NOTCH2NLC: variants seen among roughly 807,000 people sequenced by gnomAD.
NOTCH2NLC encodes notch homolog 2 N-terminal-like protein C.
In NOTCH2NLC, 4 loss-of-function variants were observed where a neutral mutation model predicts 17.7. That is an observed-to-expected ratio of 0.23 (90% CI 0.11 to 0.52). NOTCH2NLC has a LOEUF of 0.52. NOTCH2NLC is among the 20% of genes least tolerant of loss of function. The pLI is 0.96. For synonymous variants in NOTCH2NLC, 18 were observed against 86.0 expected (o/e 0.21, Z 4.38); for missense variants, 57 against 207.2 (o/e 0.28, Z 4.45).
At chr1:149,457,645 G>A (rs2084621209) in intron 3 of NOTCH2NLC, among the ~76,000 whole-genome samples, 1 of 150,438 alleles carries the variant, frequency 6.6e-6, no homozygotes, top group African/African-American at 2.4e-5. Flanking sequence ...CCAGTCTTGA[G>A]TTCCAAAACC....
chr1:149,412,825 A>C (rs1199449938), intron 1 of NOTCH2NLC, among the ~76,000 whole-genome samples: 4 of 146,884 alleles, frequency 2.7e-5, no homozygotes, highest in Admixed American at 1.4e-4. Context: ...AAAAAAAAAA[A>C]AAAAAACCAA....
chr1:149,413,367 A>T (rs2084310354), intron 1 of NOTCH2NLC, among the ~76,000 whole-genome samples: 1 of 151,200 alleles, frequency 6.6e-6, no homozygotes, highest in Admixed American at 6.6e-5. Flanking sequence ...AAACCTGAAA[A>T]GGGAAGTTGA....
At chr1:149,459,778 ATGGTGGG>A (rs1379149657) in intron 3 of NOTCH2NLC, among the ~76,000 whole-genome samples, 1 of 106,690 alleles carries the variant, frequency 9.4e-6, no homozygotes, top group East Asian at 2.9e-4. Context: ...CCTCAGAATT[ATGGTGGG>A]AGGCAAAAGG....
At chr1:149,462,833 ATTTT>A (rs878889477) in intron 3 of NOTCH2NLC, among the ~76,000 whole-genome samples, 4 of 117,092 alleles carry the variant, frequency 3.4e-5, no homozygotes, top group African/African-American at 9.7e-5. Context: ...CGGGAAGTTG[ATTTT>A]TTTTTTTTTT....
intron 2 of NOTCH2NLC, among the ~76,000 whole-genome samples, chr1:149,443,620 A>T: frequency 6.6e-6 from 1 of 151,060 alleles, no homozygotes; most frequent in East Asian, 2.0e-4. Context: ...AGCCATGAGA[A>T]GGTGGGGAAA....
rs1310856313 is a variant in NOTCH2NLC, at chr1:149,464,110, GAGAC to G, written c.842_845del (p.Asp281GlyfsTer22). 8.6e-5 allele frequency: 55 copies of G among 640,220 alleles called. 1 individual carries two copies. In the East Asian group the frequency reaches 1.4e-3, roughly 17 times the overall value. The allele number at this position is 640,220 out of a possible 1,614,324, so 39.7% of individuals were successfully genotyped here. ...AGAAGAGGAACAGAGCTCTGGGAAAGAGACAGGGAAGTCTGGAATGGAAAAGAAC... is the reference window on the plus strand; with the variant it reads ...AGAAGAGGAACAGAGCTCTGGGAAAGAGGGAAGTCTGGAATGGAAAAGAAC... On this transcript the variant is annotated frameshift_variant, in exon 5 of 5. Coordinates refer to ENST00000650865, the MANE Select transcript of NOTCH2NLC (RefSeq NM_001364013.2). LOFTEE classifies it high-confidence loss of function.
At chr1:149,462,922 G>A (rs1170610372) in intron 3 of NOTCH2NLC, among the ~76,000 whole-genome samples, 4 of 132,874 alleles carry the variant, frequency 3.0e-5, no homozygotes, top group East Asian at 4.9e-4. Flanking sequence ...TGCAACCTCC[G>A]CCTCCTGGGT....
At position 149,445,593 on chromosome 1, in the gene NOTCH2NLC, G is replaced by A. The variant is rs1297618199; in HGVS notation, c.210-9725G>A. On this transcript the variant is annotated intron_variant, in intron 2 of 4. Transcript: ENST00000650865. ...CTCAGCTAGGGCAGGCTGCCACTGC[G>A]GATTGGGGGGCCAAGAGGCCCAGGG... 3.8e-4 allele frequency among the ~76,000 whole-genome samples: 57 copies of A among 150,678 alleles called. 3 individuals carry two copies. The highest frequency in any genetic ancestry group is 6.1e-4 in the Non-Finnish European group (41 of 67,498).
At chr1:149,461,771 G>A (rs1448664444) in intron 3 of NOTCH2NLC, among the ~76,000 whole-genome samples, 1 of 150,706 alleles carries the variant, frequency 6.6e-6, no homozygotes, top group Admixed American at 6.6e-5. Flanking sequence ...AGAAAATGTG[G>A]CACATATACA....
At chr1:149,432,296 AT>A (rs1274732577) in intron 2 of NOTCH2NLC, among the ~76,000 whole-genome samples, 1 of 150,160 alleles carries the variant, frequency 6.7e-6, no homozygotes, top group African/African-American at 2.4e-5. Flanking sequence ...TATAAACAAG[AT>A]TTTTTTTTCA....
At chr1:149,450,102 G>C (rs1416432202) in intron 2 of NOTCH2NLC, among the ~76,000 whole-genome samples, 78 of 142,594 alleles carry the variant, frequency 5.5e-4, no homozygotes, top group African/African-American at 1.5e-3. Flanking sequence ...TTTTTATTAT[G>C]TGGGCATATG....
chr1:149,418,947 C>CCTTTT (rs2084361795), intron 1 of NOTCH2NLC, among the ~76,000 whole-genome samples: 2 of 150,718 alleles, frequency 1.3e-5, no homozygotes, highest in African/African-American at 4.9e-5. Context: ...TCTCTCTTTC[C>CCTTTT]CTTTTCTTTC....
chr1:149,427,412 C>T (rs1321666895), intron 1 of NOTCH2NLC, among the ~76,000 whole-genome samples: 46 of 147,638 alleles, frequency 3.1e-4, no homozygotes, highest in Non-Finnish European at 1.5e-4. Flanking sequence ...TAATGTTCTC[C>T]AATTCTATCC....
In NOTCH2NLC at chr1:149,449,245, C is replaced by T. The variant is rs1269618982; in HGVS notation, c.210-6073C>T. ...CATATATAAAATGGAGATTATAATACGGCACTGGAGCGAGTAATACAAGAG... is the reference window on the plus strand; with the variant it reads ...CATATATAAAATGGAGATTATAATATGGCACTGGAGCGAGTAATACAAGAG... On this transcript the variant is annotated intron_variant, in intron 2 of 4. Coordinates refer to ENST00000650865, the MANE Select transcript of NOTCH2NLC (RefSeq NM_001364013.2). Among the ~76,000 whole-genome samples, 17 of 151,006 alleles carry T rather than the reference C, an allele frequency of 1.1e-4. No homozygotes were observed. The East Asian group carries it at 1.8e-3, about 16-fold the overall frequency.
chr1:149,412,112 T>A (rs2084300991), intron 1 of NOTCH2NLC, among the ~76,000 whole-genome samples: 1 of 102,014 alleles, frequency 9.8e-6, no homozygotes. Flanking sequence ...CAAGATCCTG[T>A]CTCCAAAAAA....
At chr1:149,430,628 A>G (rs1395931418) in intron 1 of NOTCH2NLC, among the ~76,000 whole-genome samples, 4 of 144,140 alleles carry the variant, frequency 2.8e-5, no homozygotes, top group Non-Finnish European at 6.2e-5. Flanking sequence ...TCCCAAGATG[A>G]TGTGTCATGT....
intron 3 of NOTCH2NLC, among the ~76,000 whole-genome samples, chr1:149,460,287 A>T (rs1336508520): frequency 1.0e-4 from 15 of 149,448 alleles, no homozygotes; most frequent in Admixed American, 1.0e-3. Context: ...ATGGTCCCAA[A>T]TTAAGAAGGA....
chr1:149,461,202 T>G (rs2101512652), intron 3 of NOTCH2NLC, among the ~76,000 whole-genome samples: 1 of 150,002 alleles, frequency 6.7e-6, no homozygotes, highest in African/African-American at 2.4e-5. Flanking sequence ...CCCAAAGTGC[T>G]GGGATTACAG....
chr1:149,437,388 G>A, intron 2 of NOTCH2NLC, among the ~76,000 whole-genome samples: 2 of 105,394 alleles, frequency 1.9e-5, no homozygotes, highest in Non-Finnish European at 4.0e-5. Context: ...GACCTAGTAT[G>A]GTTCAGCCTG....
Sources: allele counts gnomAD v4.1 joint callset (sites outside exome capture counted in the v4.1 genomes callset), GRCh38; gene constraint gnomAD v4.1.1; transcripts MANE v1.5; gene names NCBI Gene and HGNC (gene_info 2026-07-23, HGNC 2026-07-21).